The following CLASP2 variants were observed in gnomAD, a reference collection of about 807,000 sequenced individuals.
CLASP2 encodes CLIP-associating protein 2.
In CLASP2, 47 loss-of-function variants were observed where a neutral mutation model predicts 194.4. The observed-to-expected ratio is 0.24, with a 90% CI of 0.19 to 0.31. CLASP2 has a LOEUF of 0.31. Ranked by LOEUF, CLASP2 falls within the 10% of genes least tolerant of loss-of-function variation. The pLI is 1.00. For synonymous variants in CLASP2, 619 were observed against 633.5 expected (o/e 0.98, Z 0.34); for missense variants, 1,445 against 1,823.6 (o/e 0.79, Z 3.78).
intron 18 of CLASP2, among the ~76,000 whole-genome samples, chr3:33,599,736 G>A (rs2071501067): frequency 6.6e-6 from 1 of 152,172 alleles, no homozygotes; most frequent in Admixed American, 6.5e-5. Flanking sequence ...TCTTACGTGT[G>A]TAAGAAGGGT....
intron 38 of CLASP2, among the ~76,000 whole-genome samples, chr3:33,500,290 C>T (rs1263823400): frequency 6.6e-6 from 1 of 152,132 alleles, no homozygotes; most frequent in Non-Finnish European, 1.5e-5. Context: ...CCACCTTGGC[C>T]TCCCAAGTGC....
intron 26 of CLASP2, among the ~76,000 whole-genome samples, chr3:33,568,054 T>A (rs1439650320): frequency 6.6e-6 from 1 of 152,222 alleles, no homozygotes; most frequent in Non-Finnish European, 1.5e-5. Context: ...AAAAGTTCAT[T>A]TATCAAATTA....
chr3:33,541,256 GA>G (rs1223510603), intron 32 of CLASP2, among the ~76,000 whole-genome samples: 1 of 152,112 alleles, frequency 6.6e-6, no homozygotes, highest in Non-Finnish European at 1.5e-5. Flanking sequence ...GCCCATCAGT[GA>G]TAGACTGGAT....
At position 33,499,638 on chromosome 3, in the gene CLASP2, C is replaced by T. The variant is rs577014043; in HGVS notation, c.4435-921G>A. Among the ~76,000 whole-genome samples the T allele has an allele frequency of 1.6e-4, 24 of 151,388 alleles. No homozygotes were observed. In the South Asian group the frequency reaches 4.4e-3, roughly 28 times the overall value. The stretch of plus-strand genomic sequence containing the variant: ...TGCTGGGATTACAGTTGTGAGCCAT[C>T]GTACCTGGCCTAGGGCAGTTCTTTA... On this transcript the variant is annotated intron_variant, in intron 38 of 38. Transcript: ENST00000682230.
intron 8 of CLASP2, among the ~76,000 whole-genome samples, chr3:33,638,405 T>C (rs1364815436): frequency 6.6e-6 from 1 of 152,086 alleles, no homozygotes; most frequent in Admixed American, 6.6e-5. Flanking sequence ...CCCGGGTTCA[T>C]GCCATTCTCC....
intron 27 of CLASP2, among the ~76,000 whole-genome samples, chr3:33,563,461 C>T (rs766092546): frequency 5.9e-5 from 9 of 152,202 alleles, no homozygotes; most frequent in Non-Finnish European, 1.0e-4. Context: ...GCATTTCTGA[C>T]CTCAGGTCTG....
chr3:33,660,585 A>G (rs2085141406), intron 7 of CLASP2, among the ~76,000 whole-genome samples: 1 of 152,194 alleles, frequency 6.6e-6, no homozygotes, highest in Admixed American at 6.5e-5. Context: ...ATGTGTCATT[A>G]TTATGGTTTC....
intron 10 of CLASP2, 63 bp from the exon 11 acceptor site, chr3:33,622,343 A>C (rs2077245464): frequency 7.7e-7 from 1 of 1,295,120 alleles, no homozygotes; most frequent in African/African-American, 1.5e-5. Flanking sequence ...GAAGCTACCT[A>C]AACTTCATTA....
intron 3 of CLASP2, 141 bp from the exon 4 acceptor site, chr3:33,688,509 AC>A: frequency 9.1e-6 from 6 of 660,866 alleles, no homozygotes; most frequent in Non-Finnish European, 1.5e-5. Context: ...TCCACTACTT[AC>A]AAGTTTTTCT....
intron 14 of CLASP2, among the ~76,000 whole-genome samples, chr3:33,607,674 A>G (rs1056792881): frequency 2.0e-5 from 3 of 152,186 alleles, no homozygotes; most frequent in African/African-American, 7.2e-5. Flanking sequence ...TGACAATCCA[A>G]TTATTATAAA....
Position 33,543,429 on chromosome 3 carries a change from T to C in CLASP2, c.3404+4A>G, listed in dbSNP as rs770914439. 6.0e-6 allele frequency: 9 copies of C among 1,511,756 alleles called. No homozygotes were observed. The highest frequency in any genetic ancestry group is 1.7e-5 in the Admixed American group (1 of 59,708). 93.6% of individuals were successfully genotyped at this position (1,511,756 alleles called of 1,614,324 possible). A position where few individuals can be genotyped will look rare whatever the true frequency, so the allele number is the denominator to read the frequency against. On this transcript the variant is annotated splice_donor_region_variant and intron_variant, in intron 32 of 38. Coordinates refer to ENST00000682230, the MANE Select transcript of CLASP2 (RefSeq NM_001365631.1). ...ACCATCATGAAAAATCATCCTTTTA[T>C]TACCTTGGAGATAAAGTATTCTGTG...
intron 6 of CLASP2, among the ~76,000 whole-genome samples, chr3:33,670,148 T>C (rs1418850529): frequency 6.6e-6 from 1 of 152,044 alleles, no homozygotes; most frequent in Non-Finnish European, 1.5e-5. Context: ...AACATAATTT[T>C]AACAGAAAGA....
chr3:33,675,879 A>G (rs970183320), intron 6 of CLASP2, among the ~76,000 whole-genome samples: 20 of 149,698 alleles, frequency 1.3e-4, no homozygotes, highest in African/African-American at 4.9e-4. Flanking sequence ...CTTACAAGGG[A>G]CGTGAAGGAC....
At chr3:33,694,645 A>T (rs888966000) in intron 2 of CLASP2, among the ~76,000 whole-genome samples, 9 of 152,216 alleles carry the variant, frequency 5.9e-5, no homozygotes, top group Admixed American at 4.6e-4. Context: ...AATTGGAAAG[A>T]TCATCACCTA....
chr3:33,630,769 G>A (rs950267764), intron 9 of CLASP2, among the ~76,000 whole-genome samples: 10 of 152,106 alleles, frequency 6.6e-5, no homozygotes, highest in African/African-American at 1.4e-4. Flanking sequence ...TTTCCCCTCC[G>A]TATAGTTGAA....
chr3:33,574,179 T>C (rs1260218459), intron 24 of CLASP2, among the ~76,000 whole-genome samples: 1 of 152,136 alleles, frequency 6.6e-6, no homozygotes, highest in Non-Finnish European at 1.5e-5. Context: ...ATCTGATACT[T>C]GAATTTTGGC....
chr3:33,575,646 C>G (rs2064703800), intron 24 of CLASP2, among the ~76,000 whole-genome samples: 1 of 152,032 alleles, frequency 6.6e-6, no homozygotes, highest in African/African-American at 2.4e-5. Flanking sequence ...TATCATGGAT[C>G]TGTAGAATAT....
chr3:33,537,971 C>T (rs2154138406), intron 33 of CLASP2, among the ~76,000 whole-genome samples: 1 of 152,280 alleles, frequency 6.6e-6, no homozygotes, highest in East Asian at 1.9e-4. Context: ...GAAACCTCAT[C>T]TCTGCTAAAA....
chr3:33,529,914 C>A (rs933884008), intron 34 of CLASP2, among the ~76,000 whole-genome samples: 2 of 134,408 alleles, frequency 1.5e-5, no homozygotes, highest in Non-Finnish European at 3.1e-5. Flanking sequence ...GGAGGCGGAG[C>A]TTGCAGTGAG....
Sources: gnomAD v4.1 joint callset for allele counts (sites outside exome capture counted in the v4.1 genomes callset) on GRCh38, gnomAD v4.1.1 for gene constraint, MANE v1.5 for transcripts, NCBI Gene and HGNC (gene_info 2026-07-23, HGNC 2026-07-21) for gene names.